FRMD5: variants seen among roughly 807,000 people sequenced by gnomAD.
The protein encoded by FRMD5 is FERM domain containing 5.
A neutral mutation model predicts 69.0 loss-of-function variants in FRMD5; 20 were observed. The observed-to-expected ratio is 0.29, with a 90% CI of 0.20 to 0.42. The LOEUF (loss-of-function observed/expected upper bound fraction) is 0.42. FRMD5 is among the 10% of genes least tolerant of loss of function. The pLI is 1.00. For synonymous variants in FRMD5, 271 were observed against 260.1 expected (o/e 1.04, Z -0.40); for missense variants, 595 against 708.6 (o/e 0.84, Z 1.82).
chr15:43,963,166 G>A (rs1359366834), intron 1 of FRMD5, among the ~76,000 whole-genome samples: 1 of 152,066 alleles, frequency 6.6e-6, no homozygotes, highest in Non-Finnish European at 1.5e-5. Context: ...ATCTGACAAA[G>A]GGCTAATATC....
At chr15:43,878,409 A>G (rs1237570736) in intron 13 of FRMD5, among the ~76,000 whole-genome samples, 1 of 152,212 alleles carries the variant, frequency 6.6e-6, no homozygotes, top group Non-Finnish European at 1.5e-5. Context: ...GCCAGCATCT[A>G]CCTTAGATTT....
In FRMD5 at chr15:44,122,709, G is replaced by A. The variant is rs144597439; in HGVS notation, c.102+72244C>T. Among the ~76,000 whole-genome samples, 926 of 152,224 alleles carry A rather than the reference G, an allele frequency of 6.1e-3. 9 individuals carry two copies. Among genetic ancestry groups the A allele is most frequent in the Admixed American group, 0.02 (303 of 15,286 alleles). On this transcript the variant is annotated intron_variant, in intron 1 of 13. Transcript: ENST00000417257. ...AGGTCAGGAGATGGAGATCATCCTG[G>A]CTAACACGGTGAAACCCCGTCTCTA...
At chr15:43,876,544 G>C (rs1263013992) in intron 13 of FRMD5, among the ~76,000 whole-genome samples, 1 of 152,172 alleles carries the variant, frequency 6.6e-6, no homozygotes, top group Non-Finnish European at 1.5e-5. Context: ...GGTAGGAATG[G>C]GGAGAAGGGG....
Position 43,872,954 on chromosome 15 carries a change from C to G in FRMD5, c.*931G>C. 1.9e-6 allele frequency: 1 copy of G among 522,280 alleles called. No homozygotes were observed. Among genetic ancestry groups the G allele is most frequent in the Non-Finnish European group, 3.4e-6 (1 of 297,230 alleles). The allele number at this position is 522,280 out of a possible 1,614,324, so 32.4% of individuals were successfully genotyped here. On this transcript the variant is annotated 3_prime_UTR_variant, in exon 14 of 14. Transcript: ENST00000417257. ...GCACTGCTATCCAAATCTCAACAGT[C>G]TCTCAGGTAACTTAACTCTGCTTTC...
chr15:43,878,890 C>G (rs1296945351), intron 13 of FRMD5, among the ~76,000 whole-genome samples: 4 of 149,432 alleles, frequency 2.7e-5, no homozygotes, highest in Non-Finnish European at 4.4e-5. Flanking sequence ...TCTCATTAAA[C>G]AAGATAATGG....
intron 7 of FRMD5, 71 bp from the exon 8 acceptor site, chr15:43,892,140 C>T: frequency 7.6e-7 from 1 of 1,320,088 alleles, no homozygotes; most frequent in Non-Finnish European, 1.1e-6. Context: ...CACAGCTGTT[C>T]ATAGGTGATG....
chr15:44,019,508 G>C (rs951330222), intron 1 of FRMD5, among the ~76,000 whole-genome samples: 1 of 151,326 alleles, frequency 6.6e-6, no homozygotes, highest in African/African-American at 2.4e-5. Flanking sequence ...GGCCGAGGCT[G>C]GTGGATCACC....
chr15:43,920,516 T>A (rs1313255380), intron 2 of FRMD5, among the ~76,000 whole-genome samples: 1 of 152,238 alleles, frequency 6.6e-6, no homozygotes, highest in Non-Finnish European at 1.5e-5. Flanking sequence ...GAATACATTT[T>A]CCCATGGTAC....
intron 1 of FRMD5, among the ~76,000 whole-genome samples, chr15:43,963,500 A>G (rs1048115203): frequency 1.3e-3 from 192 of 152,280 alleles, no homozygotes; most frequent in Non-Finnish European, 2.1e-3. Context: ...ACAGTGTGGC[A>G]ATTCCTCAGG....
chr15:44,018,791 G>T (rs550267813), intron 1 of FRMD5, among the ~76,000 whole-genome samples: 3 of 152,190 alleles, frequency 2.0e-5, no homozygotes, highest in Non-Finnish European at 4.4e-5. Context: ...CCATGTTTTG[G>T]TCTTACTGAC....
intron 1 of FRMD5, among the ~76,000 whole-genome samples, chr15:44,165,887 G>A (rs1177079612): frequency 1.3e-5 from 2 of 152,088 alleles, no homozygotes; most frequent in African/African-American, 4.8e-5. Context: ...CAGCCTCTGA[G>A]TATTAAAAGA....
At chr15:44,026,787 C>A (rs964112656) in intron 1 of FRMD5, among the ~76,000 whole-genome samples, 7 of 152,172 alleles carry the variant, frequency 4.6e-5, no homozygotes, top group African/African-American at 1.7e-4. Flanking sequence ...AAGGAAAAAG[C>A]TACTATATTT....
At chr15:43,899,580 G>C (rs1199278541) in intron 7 of FRMD5, among the ~76,000 whole-genome samples, 1 of 152,208 alleles carries the variant, frequency 6.6e-6, no homozygotes, top group Non-Finnish European at 1.5e-5. Context: ...AGGATTAAAT[G>C]AGAACATAAT....
At chr15:44,104,532 T>G (rs976314460) in intron 1 of FRMD5, among the ~76,000 whole-genome samples, 1 of 152,194 alleles carries the variant, frequency 6.6e-6, no homozygotes, top group African/African-American at 2.4e-5. Flanking sequence ...CCCATATAGG[T>G]GTACCATTTT....
chr15:43,921,302 A>G (rs1224472040), intron 2 of FRMD5, among the ~76,000 whole-genome samples: 2 of 152,252 alleles, frequency 1.3e-5, no homozygotes, highest in East Asian at 3.8e-4. Flanking sequence ...ACCCCCAGAC[A>G]TTAGACTGAT....
intron 1 of FRMD5, among the ~76,000 whole-genome samples, chr15:44,003,178 C>T (rs1008930504): frequency 1.3e-5 from 2 of 152,158 alleles, no homozygotes; most frequent in African/African-American, 4.8e-5. Flanking sequence ...GTCAGAAAAT[C>T]CTATCAGTTC....
chr15:43,945,082 C>T (rs2089923955), intron 1 of FRMD5, among the ~76,000 whole-genome samples: 1 of 151,936 alleles, frequency 6.6e-6, no homozygotes, highest in South Asian at 2.1e-4. Flanking sequence ...CCATAGCGCC[C>T]GGCAGGTTTC....
chr15:44,154,794 T>A (rs370826414), intron 1 of FRMD5, among the ~76,000 whole-genome samples: 1 of 152,184 alleles, frequency 6.6e-6, no homozygotes, highest in Non-Finnish European at 1.5e-5. Context: ...GGTTACATAG[T>A]GACAGCTAAG....
chr15:44,094,532 G>C (rs567172636), intron 1 of FRMD5, among the ~76,000 whole-genome samples: 61 of 152,290 alleles, frequency 4.0e-4, no homozygotes, highest in African/African-American at 1.5e-3. Context: ...AATTCCTCTA[G>C]TATTTATCAA....
Sources: allele counts gnomAD v4.1 joint callset (sites outside exome capture counted in the v4.1 genomes callset), GRCh38; gene constraint gnomAD v4.1.1; transcripts MANE v1.5; gene names NCBI Gene and HGNC (gene_info 2026-07-23, HGNC 2026-07-21).